Variants in UBN1 observed in about 807,000 individuals in gnomAD.
The protein encoded by UBN1 is ubinuclein-1.
A neutral mutation model predicts 108.5 loss-of-function variants in UBN1; 17 were observed. That is an observed-to-expected ratio of 0.16 (90% CI 0.11 to 0.24). The LOEUF is 0.24. Ranked by LOEUF, UBN1 falls within the 10% of genes least tolerant of loss-of-function variation. UBN1 has a pLI of 1.00. For synonymous variants in UBN1, 726 were observed against 564.2 expected (o/e 1.29, Z -4.07); for missense variants, 1,595 against 1,394.4 (o/e 1.14, Z -2.29).
intron 5 of UBN1, 57 bp from the exon 6 acceptor site, chr16:4,859,806 AGT>A: frequency 6.2e-7 from 1 of 1,608,800 alleles, no homozygotes; most frequent in Non-Finnish European, 8.5e-7. Context: ...AGTGCCGTGT[AGT>A]GCACTTGCTC....
At chr16:4,874,065 C>G (rs1005516846) in intron 14 of UBN1, 146 bp from the exon 15 acceptor site, 1 of 1,035,012 alleles carries the variant, frequency 9.7e-7, no homozygotes. Context: ...GCGGGCACAG[C>G]TCCTGCTCTG....
At chr16:4,855,161 TTCACAGTTG>T (rs1468169951) in intron 2 of UBN1, among the ~76,000 whole-genome samples, 3 of 152,202 alleles carry the variant, frequency 2.0e-5, no homozygotes, top group African/African-American at 7.2e-5. Context: ...TGGTAATTGG[TTCACAGTTG>T]TCTGAGTGTG....
At position 4,860,689 on chromosome 16, in the gene UBN1, GAGA is replaced by G. The variant is rs749824976; in HGVS notation, c.711_713del (p.Lys238del). On this transcript the variant is annotated inframe_deletion, in exon 7 of 18. Coordinates refer to ENST00000262376, the MANE Select transcript of UBN1 (RefSeq NM_001079514.3). ...CTTCACAGCCCTCAATGCCAGTAAG[GAGA>G]AGAAGAAGAAGAAATATTCTGGGGC... is the stretch of plus-strand genomic sequence containing the variant. 1.8e-5 allele frequency: 29 copies of G among 1,612,702 alleles called. No homozygotes were observed. Among genetic ancestry groups the G allele is most frequent in the African/African-American group, 2.7e-5 (2 of 74,750 alleles).
At chr16:4,853,253 G>C (rs2086638744) in intron 2 of UBN1, 87 bp downstream of exon 2, 1 of 1,516,872 alleles carries the variant, frequency 6.6e-7, no homozygotes, top group African/African-American at 1.4e-5. Flanking sequence ...GGGGAAGCAA[G>C]ACTTAACTGA....
Position 4,860,796 on chromosome 16 carries a change from T to G in UBN1, c.804T>G (p.Pro268=), listed in dbSNP as rs199659106. Residue 268 remains proline, a synonymous_variant, in exon 7 of 18, where the codon CCT becomes CCG. Coordinates refer to ENST00000262376, the MANE Select transcript of UBN1 (RefSeq NM_001079514.3). ...AAAAAAGGGAGGAGGAGCATAAGCC[T>G]GTTGCGGTCCCATCAGCGGAAGCTC... The part of the protein sequence containing the change: ...AQKKREEEHK[P]VAVPSAEAQG... 3.1e-6 allele frequency: 5 copies of G among 1,614,266 alleles called. No individual in the cohort carries two copies. In the Admixed American group the frequency reaches 5.0e-5, roughly 16 times the overall value.
chr16:4,849,100 C>A (rs959691737), intron 1 of UBN1, among the ~76,000 whole-genome samples: 3 of 152,152 alleles, frequency 2.0e-5, no homozygotes, highest in Non-Finnish European at 2.9e-5. Flanking sequence ...GAGACTCGTC[C>A]CCCCGCCAAA....
At chr16:4,865,996 T>A (rs2087312592) in intron 7 of UBN1, among the ~76,000 whole-genome samples, 2 of 151,982 alleles carry the variant, frequency 1.3e-5, no homozygotes, top group African/African-American at 2.4e-5. Context: ...TAAAAAATAA[T>A]AAGATAAAAT....
chr16:4,865,145 C>T (rs2087265029), intron 7 of UBN1, among the ~76,000 whole-genome samples: 1 of 152,002 alleles, frequency 6.6e-6, no homozygotes, highest in South Asian at 2.1e-4. Flanking sequence ...GGGTGAGGGA[C>T]CCCATTTATT....
chr16:4,872,870 TC>T lies in UBN1; in HGVS notation c.1707-13del. The T allele has an allele frequency of 6.2e-7, 1 of 1,614,202 alleles. No individual in the cohort carries two copies. The highest frequency in any genetic ancestry group is 8.5e-7 in the Non-Finnish European group (1 of 1,180,034). On this transcript the variant is annotated splice_polypyrimidine_tract_variant and intron_variant, in intron 12 of 17. Coordinates refer to ENST00000262376, the MANE Select transcript of UBN1 (RefSeq NM_001079514.3). Reference sequence around the variant, plus strand: ...TGGGGCATGTACAGATGCCTGGTGTTCTGTGTCTTTCAGAACTCTGTTTAAG... The same window carrying T: ...TGGGGCATGTACAGATGCCTGGTGTTTGTGTCTTTCAGAACTCTGTTTAAG...
At chr16:4,876,089 G>T (rs1387366511) in intron 15 of UBN1, among the ~76,000 whole-genome samples, 3 of 151,888 alleles carry the variant, frequency 2.0e-5, no homozygotes, top group African/African-American at 7.3e-5. Flanking sequence ...TTCTTGAGTA[G>T]CTGGGACTAC....
chr16:4,881,949 C>T lies in UBN1; in HGVS notation c.*1817C>T, dbSNP rs1239271090. 1 of 152,274 alleles carries T rather than the reference C, an allele frequency of 6.6e-6. No homozygotes were observed. The highest frequency in any genetic ancestry group is 2.4e-5 in the African/African-American group (1 of 41,286). The allele number at this position is 152,274 out of a possible 1,614,324, so 9.4% of individuals were successfully genotyped here. A position where few individuals can be genotyped will look rare whatever the true frequency, so the allele number is the denominator to read the frequency against. On this transcript the variant is annotated 3_prime_UTR_variant, in exon 18 of 18. Transcript: ENST00000262376. ...CCTTCCTTTCCCTTTGGTGCTCCCT[C>T]CTCCCCACGTACCATTGCGCGTGCA...
intron 2 of UBN1, among the ~76,000 whole-genome samples, chr16:4,854,585 C>T (rs1007268058): frequency 6.7e-6 from 1 of 149,812 alleles, no homozygotes; most frequent in African/African-American, 2.5e-5. Flanking sequence ...ATGCTGGTCT[C>T]CAACTCCTGA....
chr16:4,871,633 C>G (rs2087641326), intron 12 of UBN1, among the ~76,000 whole-genome samples: 1 of 122,986 alleles, frequency 8.1e-6, no homozygotes, highest in Non-Finnish European at 1.6e-5. Flanking sequence ...GTTGCCTGGG[C>G]TGGAGTGCAG....
At chr16:4,858,303 G>A (rs2086901790) in intron 3 of UBN1, among the ~76,000 whole-genome samples, 1 of 152,184 alleles carries the variant, frequency 6.6e-6, no homozygotes, top group African/African-American at 2.4e-5. Flanking sequence ...AGGGCCTGTG[G>A]TCGCCTTAGA....
At chr16:4,876,422 TAAAG>T (rs1422531106) in intron 15 of UBN1, among the ~76,000 whole-genome samples, 7 of 152,130 alleles carry the variant, frequency 4.6e-5, no homozygotes, top group Non-Finnish European at 7.3e-5. Flanking sequence ...TAAATATAAA[TAAAG>T]GTATATATGT....
In UBN1 at chr16:4,874,773, G is replaced by A. The variant is rs763193008; in HGVS notation, c.2363G>A (p.Arg788Gln). Residue 788 changes from arginine (R) to glutamine (Q), a missense_variant, in exon 15 of 18, where the codon CGG (arginine) becomes CAG (glutamine). Coordinates refer to ENST00000262376, the MANE Select transcript of UBN1 (RefSeq NM_001079514.3). ...AAAGCTAAGCACCACAGCTTGCCAC[G>A]GACGTCTCACGGGCCCCAAGTGGCA... Reference protein sequence around the residue: ...QSKAKHHSLPRTSHGPQVAVP... With the variant: ...QSKAKHHSLPQTSHGPQVAVP... 1.3e-5 allele frequency: 21 copies of A among 1,613,960 alleles called. No homozygotes were observed. Among genetic ancestry groups the A allele is most frequent in the Admixed American group, 1.7e-5 (1 of 60,010 alleles).
Position 4,877,184 on chromosome 16 carries a change from C to G in UBN1, c.3265+73C>G. On this transcript the variant is annotated intron_variant, in intron 16 of 17. Transcript: ENST00000262376. This position sits in a 1 kb window ranked among gnomAD's most constrained non-coding sequence, Gnocchi z 4.3. ...TGGCCAGGGGTCCTGCTGTTGTGTA[C>G]TCTGGTTCCTGTGTTTGAGTCTGGT... 6.5e-7 allele frequency: 1 copy of G among 1,533,068 alleles called. No individual in the cohort carries two copies. The highest frequency in any genetic ancestry group is 8.7e-7 in the Non-Finnish European group (1 of 1,144,376). The allele number at this position is 1,533,068 out of a possible 1,614,324, so 95.0% of individuals were successfully genotyped here.
intron 7 of UBN1, among the ~76,000 whole-genome samples, chr16:4,863,486 T>C (rs1317323784): frequency 6.6e-6 from 1 of 152,206 alleles, no homozygotes; most frequent in Non-Finnish European, 1.5e-5. Flanking sequence ...TTTGGATCCT[T>C]AATAAGGGGT....
intron 6 of UBN1, 55 bp downstream of exon 6, chr16:4,860,023 G>A (rs1017794464): frequency 1.2e-5 from 20 of 1,602,896 alleles, no homozygotes; most frequent in Admixed American, 6.8e-5. Flanking sequence ...AGGGCAGGAC[G>A]ACTGGGAGCT....
Sources: gnomAD v4.1 joint callset for allele counts (sites outside exome capture counted in the v4.1 genomes callset) on GRCh38, gnomAD v4.1.1 for gene constraint, Gnocchi (gnomAD v3.1) non-coding constraint, MANE v1.5 for transcripts, NCBI Gene and HGNC (gene_info 2026-07-23, HGNC 2026-07-21) for gene names.